The following SLC4A10 variants were observed in gnomAD, a reference collection of about 807,000 sequenced individuals.
SLC4A10 encodes solute carrier family 4 member 10, also known as sodium-driven chloride bicarbonate exchanger.
In SLC4A10, 42 loss-of-function variants were observed where a neutral mutation model predicts 137.7. That is an observed-to-expected ratio of 0.30 (90% CI 0.24 to 0.39). The LOEUF (loss-of-function observed/expected upper bound fraction) is 0.39. Ranked by LOEUF, SLC4A10 falls within the 10% of genes least tolerant of loss-of-function variation. SLC4A10 has a pLI of 1.00. For missense variants in SLC4A10, 925 were observed against 1,355.0 expected, an observed-to-expected ratio of 0.68 and a Z score of 4.98; for synonymous variants, 474 against 464.1, an observed-to-expected ratio of 1.02 and a Z score of -0.27.
rs533878130 is a variant in SLC4A10, at chr2:161,816,734, G to T, written c.277+12139G>T. Among the ~76,000 whole-genome samples, 136 of 149,956 alleles carry T rather than the reference G, an allele frequency of 9.1e-4. 1 individual carries two copies. Among genetic ancestry groups the T allele is most frequent in the Admixed American group, 1.8e-3 (27 of 14,780 alleles). On this transcript the variant is annotated intron_variant, in intron 3 of 26. Coordinates refer to ENST00000446997, the MANE Select transcript of SLC4A10 (RefSeq NM_001178015.2). ...TGTGAGTGACAACATGCGGTGTTTG[G>T]TTTTTTGTCCTTGCAATAGTTTGCT... is the stretch of plus-strand genomic sequence containing the variant.
intron 5 of SLC4A10, among the ~76,000 whole-genome samples, chr2:161,862,659 T>C (rs1297044608): frequency 5.3e-5 from 8 of 152,210 alleles, no homozygotes; most frequent in Non-Finnish European, 1.0e-4. Context: ...TGGTTTATAA[T>C]GAAAATTTGC....
At chr2:161,938,666 A>G (rs568665475) in intron 15 of SLC4A10, among the ~76,000 whole-genome samples, 24 of 151,800 alleles carry the variant, frequency 1.6e-4, no homozygotes, top group South Asian at 2.1e-4. Flanking sequence ...GAAGTATTCA[A>G]CTGGTTTCCC....
At chr2:161,741,596 T>C (rs930201488) in intron 1 of SLC4A10, among the ~76,000 whole-genome samples, 4 of 152,210 alleles carry the variant, frequency 2.6e-5, no homozygotes, top group African/African-American at 9.7e-5. Context: ...TTTTTCTGTG[T>C]CTGGTGTTTA....
intron 21 of SLC4A10, among the ~76,000 whole-genome samples, chr2:161,963,240 T>C (rs1196655554): frequency 6.6e-6 from 1 of 152,098 alleles, no homozygotes; most frequent in Non-Finnish European, 1.5e-5. Flanking sequence ...GTTTGCTTGA[T>C]TAAAAAAGCC....
intron 1 of SLC4A10, among the ~76,000 whole-genome samples, chr2:161,744,679 T>C (rs1393718031): frequency 6.6e-6 from 1 of 152,134 alleles, no homozygotes; most frequent in Non-Finnish European, 1.5e-5. Flanking sequence ...ACTCTGACTG[T>C]AAACGCAAAC....
chr2:161,936,763 T>C lies in SLC4A10; in HGVS notation c.1998-6029T>C, dbSNP rs577390648. Reference sequence around the variant, plus strand: ...TGAGCTGTTCTATTGTTAGATAGAATAGAATAGAATGTTCTATTTCAACAA... The same window carrying C: ...TGAGCTGTTCTATTGTTAGATAGAACAGAATAGAATGTTCTATTTCAACAA... On this transcript the variant is annotated intron_variant, in intron 15 of 26. Transcript: ENST00000446997. Among the ~76,000 whole-genome samples the C allele has an allele frequency of 1.4e-4, 22 of 152,294 alleles. No homozygotes were observed. The South Asian group carries it at 4.1e-3, about 29-fold the overall frequency.
chr2:161,871,660 A>G (rs1413550047), intron 6 of SLC4A10, among the ~76,000 whole-genome samples: 1 of 152,108 alleles, frequency 6.6e-6, no homozygotes, highest in Non-Finnish European at 1.5e-5. Flanking sequence ...ATCTTTTCTC[A>G]CATCACAGAC....
At chr2:161,750,556 C>T (rs1017564870) in intron 1 of SLC4A10, among the ~76,000 whole-genome samples, 2 of 151,686 alleles carry the variant, frequency 1.3e-5, no homozygotes, top group Non-Finnish European at 3.0e-5. Context: ...TTTATTCCTG[C>T]CGCTAATTTC....
intron 1 of SLC4A10, among the ~76,000 whole-genome samples, chr2:161,755,993 A>C (rs1375372329): frequency 2.0e-5 from 3 of 151,618 alleles, no homozygotes; most frequent in African/African-American, 7.3e-5. Flanking sequence ...GTGATCTCGA[A>C]CTCCTGACCT....
chr2:161,840,165 A>G (rs2059091962), intron 4 of SLC4A10, among the ~76,000 whole-genome samples: 1 of 152,234 alleles, frequency 6.6e-6, no homozygotes. Flanking sequence ...GATAAACAGT[A>G]ACATAATTTG....
At chr2:161,768,269 A>G (rs879504040) in intron 1 of SLC4A10, among the ~76,000 whole-genome samples, 4 of 152,004 alleles carry the variant, frequency 2.6e-5, no homozygotes, top group Admixed American at 1.3e-4. Flanking sequence ...CTCATTGACT[A>G]CCTGACATCC....
At chr2:161,935,937 T>A (rs906040429) in intron 15 of SLC4A10, among the ~76,000 whole-genome samples, 2 of 152,116 alleles carry the variant, frequency 1.3e-5, no homozygotes, top group African/African-American at 4.8e-5. Flanking sequence ...ACATGTGGTC[T>A]TTATTGTGTT....
At chr2:161,845,610 T>G (rs2059442260) in intron 4 of SLC4A10, among the ~76,000 whole-genome samples, 1 of 152,146 alleles carries the variant, frequency 6.6e-6, no homozygotes, top group South Asian at 2.1e-4. Context: ...AATAATTGGA[T>G]TTTTTAAAAT....
At chr2:161,965,277 A>T (rs1697386633) in intron 23 of SLC4A10, 104 bp downstream of exon 23, 1 of 1,238,420 alleles carries the variant, frequency 8.1e-7, no homozygotes, top group South Asian at 1.6e-5. Context: ...TTTTGTCTTT[A>T]GACAGTGATC....
intron 1 of SLC4A10, among the ~76,000 whole-genome samples, chr2:161,720,393 C>T (rs1389811488): frequency 6.6e-6 from 1 of 152,068 alleles, no homozygotes; most frequent in Non-Finnish European, 1.5e-5. Flanking sequence ...TTTTTGGTTC[C>T]ATATGAACTT....
intron 1 of SLC4A10, among the ~76,000 whole-genome samples, chr2:161,699,202 A>T (rs1292774168): frequency 6.6e-6 from 1 of 151,816 alleles, no homozygotes; most frequent in East Asian, 1.9e-4. Context: ...GTATTTTTTT[A>T]GTAGAGACGG....
intron 4 of SLC4A10, among the ~76,000 whole-genome samples, chr2:161,854,377 T>C (rs2059987666): frequency 1.3e-5 from 2 of 152,136 alleles, no homozygotes; most frequent in Non-Finnish European, 2.9e-5. Flanking sequence ...TGATTATCCA[T>C]CCTGGCAGAA....
intron 1 of SLC4A10, among the ~76,000 whole-genome samples, chr2:161,655,140 C>T (rs2037334272): frequency 6.6e-6 from 1 of 151,748 alleles, no homozygotes; most frequent in African/African-American, 2.4e-5. Flanking sequence ...ATGCTATTGT[C>T]AATGTGATTG....
At chr2:161,978,187 C>T (rs1446280787) in intron 26 of SLC4A10, among the ~76,000 whole-genome samples, 4 of 151,868 alleles carry the variant, frequency 2.6e-5, no homozygotes, top group Admixed American at 2.6e-4. Context: ...GAGTTCGAGA[C>T]AAGCTTCGTC....
Sources: allele counts gnomAD v4.1 joint callset (sites outside exome capture counted in the v4.1 genomes callset), GRCh38; gene constraint gnomAD v4.1.1; transcripts MANE v1.5; gene names NCBI Gene and HGNC (gene_info 2026-07-23, HGNC 2026-07-21).